Variants in IQGAP2 observed in about 807,000 individuals in gnomAD.
IQGAP2 encodes IQ motif containing GTPase activating protein 2.
Under a neutral mutation model 201.3 loss-of-function variants are expected in IQGAP2, and 173 were observed. The observed-to-expected ratio is 0.86, with a 90% confidence interval of 0.76 to 0.98. The LOEUF is 0.98. Ranked by LOEUF, IQGAP2 falls within the 50% of genes least tolerant of loss-of-function variation. The probability of loss-of-function intolerance (pLI) is 0.00; values close to 1 mark genes in which losing one functional copy is unlikely to be tolerated. For synonymous variants in IQGAP2, 675 were observed against 673.9 expected (o/e 1.00, Z -0.03); for missense variants, 1,687 against 1,864.8 (o/e 0.90, Z 1.76).
At chr5:76,616,852 C>G (rs1184059336) in intron 13 of IQGAP2, 1 of 151,632 alleles carries the variant, frequency 6.6e-6, no homozygotes, top group African/African-American at 2.4e-5. Context: ...GACACTGTCT[C>G]TATTAAAAAA....
chr5:76,447,377 G>A (rs865986810), intron 1 of IQGAP2, among the ~76,000 whole-genome samples: 6 of 152,168 alleles, frequency 3.9e-5, no homozygotes, highest in Non-Finnish European at 7.3e-5. Context: ...GACAGTGATC[G>A]GGATATAAAC....
chr5:76,617,974 A>G (rs751810558), intron 13 of IQGAP2: 9 of 1,614,188 alleles, frequency 5.6e-6, no homozygotes, highest in Non-Finnish European at 7.6e-6. Context: ...ACATCATGGC[A>G]GGTGGTGATG....
intron 1 of IQGAP2, among the ~76,000 whole-genome samples, chr5:76,458,650 C>T (rs1754236388): frequency 6.6e-6 from 1 of 152,084 alleles, no homozygotes. Context: ...ACAAGGAAGT[C>T]CCATGAGGGT....
intron 2 of IQGAP2, among the ~76,000 whole-genome samples, chr5:76,508,700 GT>G (rs1039460750): frequency 1.4e-3 from 201 of 142,588 alleles, no homozygotes; most frequent in African/African-American, 2.9e-3. Context: ...GTTTTGTTTT[GT>G]TTTTTTTTTT....
chr5:76,564,021 G>A (rs554578379), intron 3 of IQGAP2, among the ~76,000 whole-genome samples: 1 of 151,174 alleles, frequency 6.6e-6, no homozygotes, highest in Non-Finnish European at 1.5e-5. Flanking sequence ...CTGAGCAAAA[G>A]TTTTTGCCTT....
At chr5:76,634,568 C>G (rs1750972348) in intron 15 of IQGAP2, among the ~76,000 whole-genome samples, 1 of 152,066 alleles carries the variant, frequency 6.6e-6, no homozygotes, top group Admixed American at 6.5e-5. Flanking sequence ...CCCCTACTCT[C>G]TGACTCTACG....
chr5:76,432,383 G>A (rs916617079), intron 1 of IQGAP2, among the ~76,000 whole-genome samples: 2 of 151,978 alleles, frequency 1.3e-5, no homozygotes, highest in Non-Finnish European at 2.9e-5. Context: ...CCTCAGCTTC[G>A]CAAAGTTCTG....
intron 21 of IQGAP2, among the ~76,000 whole-genome samples, chr5:76,659,810 C>T (rs1005426810): frequency 6.6e-6 from 1 of 152,112 alleles, no homozygotes; most frequent in Non-Finnish European, 1.5e-5. Context: ...AACACCCCTA[C>T]GTATTTCCAA....
In IQGAP2 at chr5:76,403,580, C is replaced by T. The variant is rs906755313; in HGVS notation, c.35C>T (p.Pro12Leu). The change falls in exon 1 of 36, where the codon CCC (proline) becomes CTC (leucine). Residue 12 changes from proline (P) to leucine (L), a missense_variant. Pro to Leu is a moderately conservative substitution (Grantham distance 98). Coordinates refer to ENST00000274364, the MANE Select transcript of IQGAP2 (RefSeq NM_006633.5). The surrounding 1 kb of genome is among the most constrained non-coding windows in gnomAD (Gnocchi z 4.8). ...GAAGAGCTGCCGTCGCTGCAGAGACCCCGCTATGGCTGTAAGTGCGCCGGG... is the reference window on the plus strand; with the variant it reads ...GAAGAGCTGCCGTCGCTGCAGAGACTCCGCTATGGCTGTAAGTGCGCCGGG... The part of the protein sequence containing the change: ...PHEELPSLQR[P>L]RYGSIVDDER... 2 of 1,541,902 alleles carry T rather than the reference C, an allele frequency of 1.3e-6. No homozygotes were observed. The highest frequency in any genetic ancestry group is 4.0e-5 in the Admixed American group (2 of 50,166).
chr5:76,464,190 G>A (rs1028817478), intron 2 of IQGAP2, among the ~76,000 whole-genome samples: 1 of 152,104 alleles, frequency 6.6e-6, no homozygotes, highest in African/African-American at 2.4e-5. Context: ...TTTTGGTCAT[G>A]GATTATATAA....
At chr5:76,463,941 G>A (rs1754632610) in intron 2 of IQGAP2, among the ~76,000 whole-genome samples, 1 of 150,922 alleles carries the variant, frequency 6.6e-6, no homozygotes, top group Non-Finnish European at 1.5e-5. Flanking sequence ...TCTGCCTCCT[G>A]GGTTCAAGTG....
At chr5:76,699,963 C>A (rs1437647764) in intron 33 of IQGAP2, among the ~76,000 whole-genome samples, 3 of 116,200 alleles carry the variant, frequency 2.6e-5, no homozygotes, top group African/African-American at 6.5e-5. Context: ...CTCTCTCTCT[C>A]TATATATATA....
chr5:76,453,067 C>T (rs911021064), intron 1 of IQGAP2, among the ~76,000 whole-genome samples: 1 of 152,092 alleles, frequency 6.6e-6, no homozygotes, highest in African/African-American at 2.4e-5. Context: ...AGGCTTGCGC[C>T]ACCATGCCTA....
At chr5:76,473,623 C>A (rs1200000346) in intron 2 of IQGAP2, among the ~76,000 whole-genome samples, 1 of 152,180 alleles carries the variant, frequency 6.6e-6, no homozygotes, top group East Asian at 1.9e-4. Context: ...TTACAGGCAT[C>A]AGCTACTGTG....
chr5:76,551,138 C>T (rs1311013492), intron 2 of IQGAP2, among the ~76,000 whole-genome samples: 2 of 147,694 alleles, frequency 1.4e-5, no homozygotes, highest in African/African-American at 2.5e-5. Flanking sequence ...ATGGGGCGGC[C>T]GGGCAGAGAC....
At chr5:76,542,813 A>G (rs1742862401) in intron 2 of IQGAP2, among the ~76,000 whole-genome samples, 1 of 151,586 alleles carries the variant, frequency 6.6e-6, no homozygotes, top group African/African-American at 2.4e-5. Context: ...ATTCTAACAT[A>G]GAGTGGCTCT....
rs1744019823 is a variant in IQGAP2 at position 76,668,703 on chromosome 5, A to G, written c.2702A>G (p.Lys901Arg). 1 of 1,610,464 alleles carries G rather than the reference A, an allele frequency of 6.2e-7. No homozygotes were observed. Among genetic ancestry groups the G allele is most frequent in the South Asian group, 1.1e-5 (1 of 89,966 alleles). Reference protein sequence around the residue: ...LLQTNPLYLAKLIFQMPQNKS... With the variant: ...LLQTNPLYLARLIFQMPQNKS... ...TAGACCAACCCTTTATACTTGGCTA[A>G]GCTGATTTTCCAGATGCCACAGAAC... The change falls in exon 23 of 36, where the codon AAG becomes AGG. Residue 901 changes from lysine to arginine, a missense_variant. Transcript: ENST00000274364.
chr5:76,419,975 C>T (rs1751637997), intron 1 of IQGAP2, among the ~76,000 whole-genome samples: 1 of 152,128 alleles, frequency 6.6e-6, no homozygotes, highest in African/African-American at 2.4e-5. Context: ...TGTTTTAGGA[C>T]CCAGGTAAGT....
At chr5:76,445,590 G>A (rs1003842279) in intron 1 of IQGAP2, among the ~76,000 whole-genome samples, 16 of 151,428 alleles carry the variant, frequency 1.1e-4, no homozygotes, top group African/African-American at 3.6e-4. Context: ...TCAGCCTGCC[G>A]AATAGCTGGG....
Sources: allele counts gnomAD v4.1 joint callset (sites outside exome capture counted in the v4.1 genomes callset), GRCh38; gene constraint gnomAD v4.1.1; non-coding constraint Gnocchi (gnomAD v3.1); transcripts MANE v1.5; gene names NCBI Gene and HGNC (gene_info 2026-07-23, HGNC 2026-07-21).